The following NF1 variants were observed in gnomAD, a reference collection of about 807,000 sequenced individuals.
The protein encoded by NF1 is neurofibromin.
A neutral mutation model predicts 325.7 loss-of-function variants in NF1; 122 were observed. The ratio of observed to expected loss-of-function variants is 0.37; its 90% CI spans 0.32 to 0.44. The LOEUF (loss-of-function observed/expected upper bound fraction) is 0.44. NF1 is among the 20% of genes least tolerant of loss of function. The probability of loss-of-function intolerance (pLI) is 1.00; values close to 1 mark genes in which losing one functional copy is unlikely to be tolerated. For synonymous variants in NF1, 1,091 were observed against 1,186.0 expected (o/e 0.92, Z 1.65); for missense variants, 2,140 against 3,415.4 (o/e 0.63, Z 9.31).
At chr17:31,182,343 T>C (rs936441039) in intron 7 of NF1, among the ~76,000 whole-genome samples, 165 bp from the exon 8 acceptor site, 4 of 152,216 alleles carry the variant, frequency 2.6e-5, no homozygotes, top group African/African-American at 7.2e-5. Flanking sequence ...AGTATTACAT[T>C]GCTTGTCTAC....
Position 31,206,243 on chromosome 17 carries a change from G to T in NF1, c.1264G>T (p.Ala422Ser), listed in dbSNP as rs786202145. The T allele has an allele frequency of 5.6e-6, 9 of 1,613,438 alleles. No individual in the cohort carries two copies. Among genetic ancestry groups the T allele is most frequent in the Admixed American group, 1.7e-5 (1 of 60,002 alleles). ...ATTGGTCTTTGTTTTTCTCTAGTCCGCATTGGATTGGTGGCCTAAGATTGA... is the reference window on the plus strand; with the variant it reads ...ATTGGTCTTTGTTTTTCTCTAGTCCTCATTGGATTGGTGGCCTAAGATTGA... ...NSLHRIITNS[A>S]LDWWPKIDAV... The change falls in exon 12 of 58, where the codon GCA becomes TCA. Residue 422 changes from alanine to serine, a missense_variant. Around this residue, in one of 10 missense-constraint regions of NF1, gnomAD observed 179 missense variants for 381.0 expected, o/e 0.47. Transcript: ENST00000358273.
chr17:31,117,275 C>T (rs1914012220), intron 1 of NF1, among the ~76,000 whole-genome samples: 2 of 152,120 alleles, frequency 1.3e-5, no homozygotes, highest in Non-Finnish European at 2.9e-5. Flanking sequence ...GCTACCGTGC[C>T]TGACCTCCAA....
chr17:31,313,756 G>C (rs1947125796), intron 36 of NF1, among the ~76,000 whole-genome samples: 1 of 135,582 alleles, frequency 7.4e-6, no homozygotes, highest in Non-Finnish European at 1.6e-5. Flanking sequence ...GTGTGTGTGT[G>C]TGAGATTAAA....
intron 1 of NF1, among the ~76,000 whole-genome samples, chr17:31,145,972 T>G (rs2143562336): frequency 6.6e-6 from 1 of 152,330 alleles, no homozygotes; most frequent in South Asian, 2.1e-4. Context: ...CATCTGAAGC[T>G]CAGGAGAGAA....
At position 31,258,628 on chromosome 17, in the gene NF1, TTTTA is replaced by T. The variant is rs1039857267; in HGVS notation, c.4332+130_4332+133del. 8.8e-6 allele frequency: 9 copies of T among 1,018,478 alleles called. No individual in the cohort carries two copies. In the African/African-American group the frequency reaches 1.5e-4, roughly 17 times the overall value. The allele number at this position is 1,018,478 out of a possible 1,614,324, so 63.1% of individuals were successfully genotyped here. A position where few individuals can be genotyped will look rare whatever the true frequency, so the allele number is the denominator to read the frequency against. On this transcript the variant is annotated intron_variant, in intron 32 of 57. Coordinates refer to ENST00000358273, the MANE Select transcript of NF1 (RefSeq NM_001042492.3). ...TATGGTTTTCAGTTATGTGCTTTTG[TTTTA>T]TTTGTTTATATTACAAAGGAATTCA...
chr17:31,316,495 G>A (rs1386126068), intron 36 of NF1, among the ~76,000 whole-genome samples: 1 of 152,112 alleles, frequency 6.6e-6, no homozygotes, highest in Non-Finnish European at 1.5e-5. Context: ...GAATATGAAA[G>A]TAATTTCCTA....
At position 31,361,572 on chromosome 17, in the gene NF1, T is replaced by G. The variant is rs1253708596; in HGVS notation, c.8377+869T>G. On this transcript the variant is annotated intron_variant, in intron 57 of 57. Transcript: ENST00000358273. ...TAAAATGGTTAAAAATAAAAGAAAC[T>G]TTAGTTGTTTAACGTTCCATTATCT... The G allele has an allele frequency of 2.6e-5, 4 of 152,206 alleles. No homozygotes were observed. In the East Asian group the frequency reaches 7.7e-4, roughly 29 times the overall value. The allele number at this position is 152,206 out of a possible 1,614,324, so 9.4% of individuals were successfully genotyped here. A position where few individuals can be genotyped will look rare whatever the true frequency, so the allele number is the denominator to read the frequency against.
intron 36 of NF1, among the ~76,000 whole-genome samples, chr17:31,285,531 A>G (rs534591022): frequency 2.6e-5 from 4 of 152,324 alleles, no homozygotes; most frequent in East Asian, 3.9e-4. Context: ...TGTCACGTTT[A>G]GTAATACTGT....
chr17:31,249,657 AC>A (rs2151452393), intron 30 of NF1, among the ~76,000 whole-genome samples: 1 of 152,370 alleles, frequency 6.6e-6, no homozygotes, highest in Non-Finnish European at 1.5e-5. Context: ...AAATTATTAG[AC>A]CTTCTAACAC....
At chr17:31,126,887 C>T (rs1001015530) in intron 1 of NF1, among the ~76,000 whole-genome samples, 17 of 152,168 alleles carry the variant, frequency 1.1e-4, no homozygotes, top group African/African-American at 4.1e-4. Flanking sequence ...TTTTTGTGTC[C>T]TATCATTAAG....
chr17:31,351,641 C>T (rs1021362970), intron 50 of NF1, among the ~76,000 whole-genome samples: 2 of 152,196 alleles, frequency 1.3e-5, no homozygotes, highest in African/African-American at 2.4e-5. Flanking sequence ...GTCTTGAACT[C>T]CTGACCTCAG....
chr17:31,302,457 T>C (rs1203737168), intron 36 of NF1, among the ~76,000 whole-genome samples: 2 of 152,154 alleles, frequency 1.3e-5, no homozygotes, highest in Admixed American at 6.5e-5. Context: ...TAAAAACATA[T>C]CTTATTTACC....
At chr17:31,304,443 A>C in intron 36 of NF1, 1 of 1,614,168 alleles carries the variant, frequency 6.2e-7, no homozygotes, top group Non-Finnish European at 8.5e-7. Flanking sequence ...GTATTATCTC[A>C]GATTTATGAT....
chr17:31,369,640 G>C (rs1474254846), intron 57 of NF1, among the ~76,000 whole-genome samples: 1 of 152,194 alleles, frequency 6.6e-6, no homozygotes, highest in African/African-American at 2.4e-5. Context: ...AGGGGCAAAA[G>C]AGATACCAGA....
chr17:31,244,844 G>T (rs184219548), intron 29 of NF1, among the ~76,000 whole-genome samples: 138 of 152,290 alleles, frequency 9.1e-4, no homozygotes, highest in Middle Eastern at 6.8e-3. Flanking sequence ...TCAAGTTGGT[G>T]TTCCAATAAG....
At chr17:31,225,042 T>C (rs761269726) in intron 16 of NF1, 53 bp from the exon 17 acceptor site, 1 of 1,591,628 alleles carries the variant, frequency 6.3e-7, no homozygotes, top group Admixed American at 1.7e-5. Context: ...TAAGTGTTTA[T>C]TCCTCTTGGT....
chr17:31,175,504 C>T lies in NF1; in HGVS notation c.586+5507C>T, dbSNP rs910589935. Reference sequence around the variant, plus strand: ...TGCTGAGATTATAGGCGTGAGCCATCGGGCCTGGCCCTGTATATGTTTTCC... The same window carrying T: ...TGCTGAGATTATAGGCGTGAGCCATTGGGCCTGGCCCTGTATATGTTTTCC... On this transcript the variant is annotated intron_variant, in intron 5 of 57. Transcript: ENST00000358273. 5.9e-5 allele frequency among the ~76,000 whole-genome samples: 9 copies of T among 152,036 alleles called. No individual in the cohort carries two copies. The East Asian group carries it at 1.2e-3, about 20-fold the overall frequency.
rs199474728 is a variant in NF1, at chr17:31,159,083, G to A, written c.278G>A (p.Cys93Tyr). ...ATTATATTGGATACACTGGAAAAATGTCTTGCTGGGGTAAGTAAATTGATC... is the reference window on the plus strand; with the variant it reads ...ATTATATTGGATACACTGGAAAAATATCTTGCTGGGGTAAGTAAATTGATC... Reference protein sequence around the residue: ...QLIILDTLEKCLAGQPKDTMR... With the variant: ...QLIILDTLEKYLAGQPKDTMR... The change falls in exon 3 of 58, where the codon TGT (cysteine) becomes TAT (tyrosine). Residue 93 changes from cysteine to tyrosine, a missense_variant. Cys to Tyr is a radical substitution (Grantham distance 194). Transcript: ENST00000358273. 6.2e-7 allele frequency: 1 copy of A among 1,606,806 alleles called. No homozygotes were observed. Among genetic ancestry groups the A allele is most frequent in the Non-Finnish European group, 8.5e-7 (1 of 1,173,794 alleles).
At chr17:31,204,539 T>C (rs530066861) in intron 11 of NF1, among the ~76,000 whole-genome samples, 1 of 152,210 alleles carries the variant, frequency 6.6e-6, no homozygotes, top group Admixed American at 6.5e-5. Flanking sequence ...TAGTTTTTCA[T>C]ACTTATTTTA....
Sources: gnomAD v4.1 joint callset for allele counts (sites outside exome capture counted in the v4.1 genomes callset) on GRCh38, gnomAD v4.1.1 for gene constraint, gnomAD v4.1.1 regional missense constraint, MANE v1.5 for transcripts, NCBI Gene and HGNC (gene_info 2026-07-23, HGNC 2026-07-21) for gene names.